MTREX: variants seen among roughly 807,000 people sequenced by gnomAD.
MTREX encodes Mtr4 exosome RNA helicase, also known as exosome RNA helicase MTR4.
Under a neutral mutation model 135.4 loss-of-function variants are expected in MTREX, and 76 were observed. That is an observed-to-expected ratio of 0.56 (90% CI 0.47 to 0.68). MTREX has a LOEUF of 0.68. Ranked by LOEUF, MTREX falls within the 30% of genes least tolerant of loss-of-function variation. The pLI is 0.00. For synonymous variants in MTREX, 404 were observed against 401.6 expected (o/e 1.01, Z -0.07); for missense variants, 920 against 1,262.1 (o/e 0.73, Z 4.11).
chr5:55,367,518 C>T (rs1750125367), intron 16 of MTREX, among the ~76,000 whole-genome samples: 1 of 151,608 alleles, frequency 6.6e-6, no homozygotes, highest in South Asian at 2.1e-4. Flanking sequence ...TGCCTATTAG[C>T]CTTGTCCTTT....
chr5:55,358,537 T>C, intron 14 of MTREX, 36 bp from the exon 15 acceptor site: 1 of 1,545,806 alleles, frequency 6.5e-7, no homozygotes, highest in South Asian at 1.3e-5. Context: ...TACCAGTTTT[T>C]TTCCTAAACT....
At chr5:55,308,639 A>T (rs1356759451) in intron 1 of MTREX, among the ~76,000 whole-genome samples, 1 of 152,138 alleles carries the variant, frequency 6.6e-6, no homozygotes, top group African/African-American at 2.4e-5. Context: ...GGATATGAGG[A>T]TTCAATGAGA....
At chr5:55,332,131 G>A (rs941357356) in intron 5 of MTREX, among the ~76,000 whole-genome samples, 5 of 152,094 alleles carry the variant, frequency 3.3e-5, no homozygotes, top group Admixed American at 2.0e-4. Context: ...AGAATCTCTA[G>A]CCCCACCCTA....
At chr5:55,343,615 C>G (rs1203634339) in intron 8 of MTREX, among the ~76,000 whole-genome samples, 160 bp downstream of exon 8, 2 of 152,150 alleles carry the variant, frequency 1.3e-5, no homozygotes, top group East Asian at 3.8e-4. Flanking sequence ...TCAAAATCAA[C>G]TGACTGACTT....
At chr5:55,410,679 AGTTAATAG>A in intron 23 of MTREX, 50 bp downstream of exon 23, 1 of 1,100,454 alleles carries the variant, frequency 9.1e-7, no homozygotes, top group South Asian at 1.4e-5. Context: ...CACATCATGT[AGTTAATAG>A]TGTTATGGCT....
Position 55,308,025 on chromosome 5 carries a change from A to G in MTREX, c.12A>G (p.Ala4=). Residue 4 remains alanine, a synonymous_variant, in exon 1 of 27, where the codon GCA becomes GCG. Coordinates refer to ENST00000230640, the MANE Select transcript of MTREX (RefSeq NM_015360.5). MAD[A]FGDELFSVFE... Reference sequence around the variant, plus strand: ...CACTGCTCCCAAAAATGGCGGACGCATTCGGAGATGAGCTGTTCAGCGTGT... The same window carrying G: ...CACTGCTCCCAAAAATGGCGGACGCGTTCGGAGATGAGCTGTTCAGCGTGT... 1 of 1,614,156 alleles carries G rather than the reference A, an allele frequency of 6.2e-7. No homozygotes were observed. Among genetic ancestry groups the G allele is most frequent in the Non-Finnish European group, 8.5e-7 (1 of 1,180,034 alleles).
intron 4 of MTREX, among the ~76,000 whole-genome samples, 181 bp from the exon 5 acceptor site, chr5:55,328,518 T>C (rs1394764160): frequency 6.6e-6 from 1 of 152,126 alleles, no homozygotes; most frequent in East Asian, 1.9e-4. Flanking sequence ...TCTATGTTGT[T>C]TGGGCAAAAA....
In MTREX at chr5:55,378,315, G is replaced by T; in HGVS notation, c.1812G>T (p.Lys604Asn). The part of the protein sequence containing the change: ...HYRAIPGVVE[K>N]VKNSEEQYNK... Reference sequence around the variant, plus strand: ...TTTGTACATGTGTTCTATTTACAGAGGTAAAGAATTCAGAAGAACAGTATA... The same window carrying T: ...TTTGTACATGTGTTCTATTTACAGATGTAAAGAATTCAGAAGAACAGTATA... The change falls in exon 17 of 27, where the codon AAG (lysine) becomes AAT (asparagine). Residue 604 changes from lysine to asparagine, a missense_variant and splice_region_variant. Around this residue, in one of 6 missense-constraint regions of MTREX, gnomAD observed 467 missense variants for 589.7 expected, o/e 0.79. Transcript: ENST00000230640. 6.3e-7 allele frequency: 1 copy of T among 1,589,458 alleles called. No individual in the cohort carries two copies. The highest frequency in any genetic ancestry group is 1.2e-5 in the South Asian group (1 of 85,336).
chr5:55,324,313 G>A, intron 3 of MTREX, 115 bp downstream of exon 3: 1 of 523,958 alleles, frequency 1.9e-6, no homozygotes, highest in Non-Finnish European at 3.3e-6. Flanking sequence ...ACAATAAATA[G>A]TTTCCATGGG....
At chr5:55,367,240 A>G (rs1750118624) in intron 16 of MTREX, among the ~76,000 whole-genome samples, 1 of 152,188 alleles carries the variant, frequency 6.6e-6, no homozygotes, top group Admixed American at 6.5e-5. Flanking sequence ...TAATCCTAGC[A>G]CTTTGGGAGG....
At position 55,324,216 on chromosome 5, in the gene MTREX, A is replaced by G. The variant is rs1182624598; in HGVS notation, c.339+18A>G. The G allele has an allele frequency of 6.3e-7, 1 of 1,580,498 alleles. No homozygotes were observed. Among genetic ancestry groups the G allele is most frequent in the Admixed American group, 1.7e-5 (1 of 59,388 alleles). On this transcript the variant is annotated intron_variant, in intron 3 of 26. Coordinates refer to ENST00000230640, the MANE Select transcript of MTREX (RefSeq NM_015360.5). ...CACATGAGGTAAGCACAAACAGCAT[A>G]CAGAAGGTTAGTGTTACAAATGGGA... is the stretch of plus-strand genomic sequence containing the variant.
chr5:55,425,546 ATTTTGCCAATACT>A lies in MTREX; in HGVS notation c.*775_*787del. 2 of 489,344 alleles carry A rather than the reference ATTTTGCCAATACT, an allele frequency of 4.1e-6. No homozygotes were observed. The highest frequency in any genetic ancestry group is 6.9e-6 in the Non-Finnish European group (2 of 290,678). 30.3% of individuals were successfully genotyped at this position (489,344 alleles called of 1,614,324 possible). On this transcript the variant is annotated 3_prime_UTR_variant, in exon 27 of 27. Coordinates refer to ENST00000230640, the MANE Select transcript of MTREX (RefSeq NM_015360.5). ...TGTTATGCCTTCAGCAAATAGCTTC[ATTTTGCCAATACT>A]GAATAAAAGAGTTATTTCTACATGT...
intron 1 of MTREX, among the ~76,000 whole-genome samples, chr5:55,309,627 T>A (rs1749076340): frequency 6.6e-6 from 1 of 152,196 alleles, no homozygotes; most frequent in Admixed American, 6.5e-5. Context: ...GATATAGTGA[T>A]AACATTAATT....
intron 16 of MTREX, among the ~76,000 whole-genome samples, chr5:55,375,374 C>G (rs1481347238): frequency 1.3e-5 from 2 of 152,136 alleles, no homozygotes; most frequent in South Asian, 4.1e-4. Context: ...GTTCAGAGAC[C>G]TACTCCTAGG....
At chr5:55,369,420 C>G (rs1750159102) in intron 16 of MTREX, among the ~76,000 whole-genome samples, 1 of 152,188 alleles carries the variant, frequency 6.6e-6, no homozygotes, top group Admixed American at 6.5e-5. Flanking sequence ...CCAAGTGAAA[C>G]AGAAGTGTGT....
intron 1 of MTREX, among the ~76,000 whole-genome samples, chr5:55,317,326 G>A (rs200232412): frequency 2.6e-5 from 4 of 151,812 alleles, no homozygotes; most frequent in Non-Finnish European, 5.9e-5. Flanking sequence ...AGCCAAGGCA[G>A]TCCTAAGCAA....
At chr5:55,335,295 C>T (rs1348221922) in intron 5 of MTREX, among the ~76,000 whole-genome samples, 1 of 151,932 alleles carries the variant, frequency 6.6e-6, no homozygotes, top group Non-Finnish European at 1.5e-5. Flanking sequence ...GTAGAGAAAG[C>T]ATTTTAATTT....
intron 20 of MTREX, among the ~76,000 whole-genome samples, chr5:55,399,897 A>G (rs1750698039): frequency 6.6e-6 from 1 of 152,194 alleles, no homozygotes; most frequent in Non-Finnish European, 1.5e-5. Flanking sequence ...TCAATACAAG[A>G]TTACTTTTGA....
intron 10 of MTREX, among the ~76,000 whole-genome samples, chr5:55,345,424 G>A (rs1377988980): frequency 1.3e-5 from 2 of 152,006 alleles, no homozygotes; most frequent in Non-Finnish European, 2.9e-5. Flanking sequence ...TATATTTACA[G>A]AATTGTGCAG....
Sources: allele counts gnomAD v4.1 joint callset (sites outside exome capture counted in the v4.1 genomes callset), GRCh38; gene constraint gnomAD v4.1.1; regional missense constraint gnomAD v4.1.1; transcripts MANE v1.5; gene names NCBI Gene and HGNC (gene_info 2026-07-23, HGNC 2026-07-21).